Variants in TOP2B observed in about 807,000 individuals in gnomAD.
TOP2B encodes DNA topoisomerase 2-beta.
TOP2B carries 51 observed loss-of-function variants against 193.5 expected under a neutral mutation model. That is an observed-to-expected ratio of 0.26 (90% CI 0.21 to 0.33). The LOEUF is 0.33. Among genes scored for constraint, TOP2B ranks in the 10% least tolerant of loss-of-function variants. The probability of loss-of-function intolerance (pLI) is 1.00; values close to 1 mark genes in which losing one functional copy is unlikely to be tolerated. For synonymous variants in TOP2B, 634 were observed against 635.7 expected, an observed-to-expected ratio of 1.00 and a Z score of 0.04; for missense variants, 1,378 against 1,909.3, an observed-to-expected ratio of 0.72 and a Z score of 5.19.
At position 25,598,490 on chromosome 3, in the gene TOP2B, T is replaced by TTC. The variant is rs746736509; in HGVS notation, c.4711-14_4711-13insGA. ...TCTTCTTCGGTTTCTAGATTTTTTT[T>TTC]CAATAGATTTAAAAGTTATGAAAGG... is the stretch of plus-strand genomic sequence containing the variant. On this transcript the variant is annotated splice_polypyrimidine_tract_variant and intron_variant, in intron 35 of 35. Transcript: ENST00000264331. The TTC allele has an allele frequency of 6.4e-7, 1 of 1,563,170 alleles. No individual in the cohort carries two copies. Among genetic ancestry groups the TTC allele is most frequent in the Non-Finnish European group, 8.6e-7 (1 of 1,156,234 alleles).
chr3:25,642,273 C>A, intron 4 of TOP2B, 49 bp downstream of exon 4: 2 of 1,133,748 alleles, frequency 1.8e-6, no homozygotes, highest in Non-Finnish European at 2.6e-6. Flanking sequence ...AAATTGGGGA[C>A]TATCTGAATA....
intron 27 of TOP2B, among the ~76,000 whole-genome samples, chr3:25,612,956 T>C (rs1271175723): frequency 6.6e-6 from 1 of 152,216 alleles, no homozygotes; most frequent in African/African-American, 2.4e-5. Context: ...AGTGACTAAA[T>C]GACCTGAGAA....
intron 1 of TOP2B, among the ~76,000 whole-genome samples, chr3:25,646,980 C>T (rs1703432259): frequency 1.3e-5 from 2 of 151,986 alleles, no homozygotes; most frequent in Non-Finnish European, 2.9e-5. Context: ...TTATACATTC[C>T]TACATTTATA....
chr3:25,630,761 A>C (rs370141078), intron 11 of TOP2B, 40 bp downstream of exon 11: 625 of 1,460,318 alleles, frequency 4.3e-4, no homozygotes, highest in Non-Finnish European at 5.1e-4. Flanking sequence ...AATAAAAGTG[A>C]AACTTAAATC....
At chr3:25,615,886 C>T (rs926041686) in intron 25 of TOP2B, 1 of 203,252 alleles carries the variant, frequency 4.9e-6, no homozygotes, top group Non-Finnish European at 9.7e-6. Context: ...TGAGAGGATA[C>T]CACATTTTAA....
At chr3:25,634,723 C>A (rs1703052310) in intron 7 of TOP2B, among the ~76,000 whole-genome samples, 1 of 139,012 alleles carries the variant, frequency 7.2e-6, no homozygotes, top group East Asian at 2.1e-4. Context: ...ATGGTGCTAG[C>A]TGGGAGACAG....
intron 1 of TOP2B, among the ~76,000 whole-genome samples, chr3:25,655,733 C>T (rs1320031414): frequency 6.6e-6 from 1 of 152,142 alleles, no homozygotes; most frequent in African/African-American, 2.4e-5. Context: ...TGTGCTATAA[C>T]ATGGATGAAC....
chr3:25,638,051 T>C (rs1440216213), intron 5 of TOP2B, 114 bp downstream of exon 5: 2 of 994,010 alleles, frequency 2.0e-6, no homozygotes, highest in Non-Finnish European at 2.9e-6. Context: ...AGTTTATAAA[T>C]ATTAATTCTG....
chr3:25,664,182 C>A (rs1188663595), intron 1 of TOP2B, 47 bp downstream of exon 1: 7 of 1,537,078 alleles, frequency 4.6e-6, no homozygotes, highest in Non-Finnish European at 6.1e-6. Flanking sequence ...GCCCCCGCCG[C>A]GGGCCCGGAA....
Position 25,615,449 on chromosome 3 carries a change from A to T in TOP2B, c.3489T>A (p.Ile1163=). Residue 1163 remains isoleucine (I), a synonymous_variant, in exon 26 of 36, where the codon ATT becomes ATA. Transcript: ENST00000264331. ...SLTKEKVEEL[I]KQRDAKGREV... is the part of the protein sequence containing the mutation. Reference sequence around the variant, plus strand: ...TTCATACTTTTGCATCTCTCTGTTTAATCAGTTCTTCAACTTTTTCTTTAG... The same window carrying T: ...TTCATACTTTTGCATCTCTCTGTTTTATCAGTTCTTCAACTTTTTCTTTAG... 1 of 1,561,230 alleles carries T rather than the reference A, an allele frequency of 6.4e-7. No individual in the cohort carries two copies. The highest frequency in any genetic ancestry group is 1.2e-5 in the South Asian group (1 of 82,524).
At chr3:25,631,807 C>A (rs994450235) in intron 10 of TOP2B, among the ~76,000 whole-genome samples, 2 of 152,022 alleles carry the variant, frequency 1.3e-5, no homozygotes, top group African/African-American at 2.4e-5. Flanking sequence ...TTTCTACAGG[C>A]CTTAAGTTAG....
chr3:25,645,162 G>C, intron 2 of TOP2B, 138 bp downstream of exon 2: 1 of 816,934 alleles, frequency 1.2e-6, no homozygotes, highest in Non-Finnish European at 1.9e-6. Context: ...TCTACTTCTA[G>C]ATCTTTCACC....
Position 25,624,347 on chromosome 3 carries a change from A to G in TOP2B, c.2445T>C (p.Leu815=), listed in dbSNP as rs1367776752. The G allele has an allele frequency of 6.2e-7, 1 of 1,613,970 alleles. No homozygotes were observed. The highest frequency in any genetic ancestry group is 1.1e-5 in the South Asian group (1 of 91,080). Residue 815 remains leucine, a synonymous_variant, in exon 20 of 36, where the codon CTT becomes CTC. Transcript: ENST00000264331. ...GGCTTGCAGCATCTTTGCCACCATG[A>G]AGCCGAGTTCCAAACTGACCAATAG... ...LQPIGQFGTR[L]HGGKDAASPR... is the part of the protein sequence containing the mutation.
chr3:25,645,815 A>G (rs1703398026), intron 1 of TOP2B, among the ~76,000 whole-genome samples: 1 of 152,102 alleles, frequency 6.6e-6, no homozygotes, highest in Admixed American at 6.6e-5. Context: ...GCTAGAGTGC[A>G]ATGGTGTGAT....
At chr3:25,618,275 G>A (rs1702564234) in intron 25 of TOP2B, 143 bp downstream of exon 25, 5 of 629,904 alleles carry the variant, frequency 7.9e-6, no homozygotes, top group Non-Finnish European at 1.4e-5. Context: ...CTGTTCTGTG[G>A]ATAAACAGAA....
At chr3:25,640,358 T>C (rs2125390757) in intron 4 of TOP2B, among the ~76,000 whole-genome samples, 1 of 152,254 alleles carries the variant, frequency 6.6e-6, no homozygotes, top group African/African-American at 2.4e-5. Context: ...CAATGATTTG[T>C]AAACAACAAA....
At chr3:25,608,061 A>AG (rs1206712080) in intron 30 of TOP2B, among the ~76,000 whole-genome samples, 43 of 152,314 alleles carry the variant, frequency 2.8e-4, no homozygotes, top group Admixed American at 2.5e-3. Flanking sequence ...CTGAGATTAC[A>AG]GGCGTGAGCC....
At chr3:25,610,299 A>G (rs1702336271) in intron 28 of TOP2B, among the ~76,000 whole-genome samples, 1 of 152,166 alleles carries the variant, frequency 6.6e-6, no homozygotes, top group African/African-American at 2.4e-5. Context: ...AAACAAAAAC[A>G]AAAAACACAG....
At position 25,612,557 on chromosome 3, in the gene TOP2B, A is replaced by G. The variant is rs6534; in HGVS notation, c.3744T>C (p.Ala1248=). 2.2e-3 allele frequency: 3,569 copies of G among 1,612,308 alleles called. 63 individuals carry two copies. In the African/African-American group the frequency reaches 0.038, roughly 17 times the overall value. Residue 1248 remains alanine, a synonymous_variant, in exon 28 of 36, where the codon GCT becomes GCC. Transcript: ENST00000264331. ...ACTTTTTGCTGGCATCTGCCTTCAT[A>G]GCTGTAATTTCAGGAATTATTCTTC... ...YGRRIIPEIT[A]MKADASKKLL...
Sources: gnomAD v4.1 joint callset for allele counts (sites outside exome capture counted in the v4.1 genomes callset) on GRCh38, gnomAD v4.1.1 for gene constraint, MANE v1.5 for transcripts, NCBI Gene and HGNC (gene_info 2026-07-23, HGNC 2026-07-21) for gene names.